UFSP2: variants seen among roughly 807,000 people sequenced by gnomAD.
UFSP2 encodes the protein ufm1-specific protease 2.
In UFSP2, 43 loss-of-function variants were observed where a neutral mutation model predicts 60.2. The ratio of observed to expected loss-of-function variants is 0.71; its 90% CI spans 0.56 to 0.92. The LOEUF (loss-of-function observed/expected upper bound fraction) is 0.92, where lower values mean the gene tolerates loss of function less well. UFSP2 is among the 40% of genes least tolerant of loss of function. UFSP2 has a pLI of 0.00. For missense variants in UFSP2, 520 were observed against 575.0 expected, an observed-to-expected ratio of 0.90 and a Z score of 0.98; for synonymous variants, 183 against 195.1, an observed-to-expected ratio of 0.94 and a Z score of 0.52.
In UFSP2 at chr4:185,399,598, G is replaced by A. The variant is rs761152223; in HGVS notation, c.*794C>T. 1.9e-6 allele frequency: 3 copies of A among 1,614,090 alleles called. No homozygotes were observed. Among genetic ancestry groups the A allele is most frequent in the African/African-American group, 2.7e-5 (2 of 74,934 alleles). On this transcript the variant is annotated 3_prime_UTR_variant, in exon 12 of 12. Coordinates refer to ENST00000264689, the MANE Select transcript of UFSP2 (RefSeq NM_018359.5). Reference sequence around the variant, plus strand: ...ATGTAATAAGAACGGGCAAACAGCTGAAGATCTCGCTTGGTCATGTGGATT... The same window carrying A: ...ATGTAATAAGAACGGGCAAACAGCTAAAGATCTCGCTTGGTCATGTGGATT...
At chr4:185,425,681 G>T (rs1201350998) in intron 1 of UFSP2, among the ~76,000 whole-genome samples, 185 bp downstream of exon 1, 1 of 152,052 alleles carries the variant, frequency 6.6e-6, no homozygotes, top group Non-Finnish European at 1.5e-5. Context: ...ACTTGTGTAG[G>T]GCACTTTCCC....
chr4:185,400,277 A>T lies in UFSP2; in HGVS notation c.*115T>A. On this transcript the variant is annotated 3_prime_UTR_variant, in exon 12 of 12. Transcript: ENST00000264689. ...GTGCAGTATTTACAACCTTTGAAAA[A>T]GGTCATAATTTAAATCGTCAAACTA... 2.2e-6 allele frequency: 2 copies of T among 892,578 alleles called. No individual in the cohort carries two copies. The highest frequency in any genetic ancestry group is 1.7e-6 in the Non-Finnish European group (1 of 585,356). The allele number at this position is 892,578 out of a possible 1,614,324, so 55.3% of individuals were successfully genotyped here.
At chr4:185,425,322 G>A (rs1383532070) in intron 1 of UFSP2, among the ~76,000 whole-genome samples, 2 of 152,036 alleles carry the variant, frequency 1.3e-5, no homozygotes, top group East Asian at 1.9e-4. Context: ...AAATACATAT[G>A]AGCTATCCAA....
At chr4:185,408,995 AT>A (rs2095524795) in intron 7 of UFSP2, among the ~76,000 whole-genome samples, 1 of 152,190 alleles carries the variant, frequency 6.6e-6, no homozygotes, top group Non-Finnish European at 1.5e-5. Context: ...CATTTAAAAA[AT>A]ATCTGCCTAC....
At chr4:185,422,449 ATTTTC>A (rs2095551120) in intron 2 of UFSP2, 31 bp downstream of exon 2, 2 of 1,494,828 alleles carry the variant, frequency 1.3e-6, no homozygotes, top group South Asian at 2.4e-5. Flanking sequence ...TTCACTATCA[ATTTTC>A]TAATAAAAAA....
At chr4:185,410,648 A>G (rs2095527586) in intron 7 of UFSP2, among the ~76,000 whole-genome samples, 3 of 150,668 alleles carry the variant, frequency 2.0e-5, no homozygotes, top group Admixed American at 1.3e-4. Flanking sequence ...ACTCCATCTC[A>G]AAAAAAAGAA....
chr4:185,413,924 T>G, intron 6 of UFSP2, 52 bp from the exon 7 acceptor site: 3 of 1,473,994 alleles, frequency 2.0e-6, no homozygotes, highest in Non-Finnish European at 2.7e-6. Context: ...TGATTTAGAT[T>G]CCTAGTCAAT....
intron 4 of UFSP2, among the ~76,000 whole-genome samples, chr4:185,417,965 A>G (rs2095541814): frequency 6.6e-6 from 1 of 151,242 alleles, no homozygotes; most frequent in Admixed American, 6.6e-5. Flanking sequence ...AATCACTTGA[A>G]CCCGGGAGGC....
chr4:185,423,490 C>CT (rs2095553134), intron 1 of UFSP2, among the ~76,000 whole-genome samples: 1 of 151,762 alleles, frequency 6.6e-6, no homozygotes, highest in South Asian at 2.1e-4. Context: ...CAGACTTAGT[C>CT]TAAGAAAAAT....
intron 7 of UFSP2, among the ~76,000 whole-genome samples, chr4:185,410,461 C>T (rs2095527273): frequency 6.6e-6 from 1 of 151,490 alleles, no homozygotes; most frequent in East Asian, 1.9e-4. Flanking sequence ...CCAGCCTGGC[C>T]AGCATGATGA....
At chr4:185,424,734 TAGAC>T (rs1221451228) in intron 1 of UFSP2, among the ~76,000 whole-genome samples, 2 of 152,346 alleles carry the variant, frequency 1.3e-5, no homozygotes, top group African/African-American at 2.4e-5. Context: ...AGATAAAAGT[TAGAC>T]AGGAAAGAAC....
At chr4:185,425,502 G>T (rs534319492) in intron 1 of UFSP2, among the ~76,000 whole-genome samples, 3 of 152,160 alleles carry the variant, frequency 2.0e-5, no homozygotes, top group African/African-American at 7.2e-5. Context: ...AGAAACCAGG[G>T]GAGGGAAATA....
chr4:185,411,047 A>T (rs1396857828), intron 7 of UFSP2, among the ~76,000 whole-genome samples: 1 of 151,754 alleles, frequency 6.6e-6, no homozygotes, highest in Non-Finnish European at 1.5e-5. Flanking sequence ...AGCAAAAAAA[A>T]AGAAAGTAAA....
chr4:185,409,970 A>G (rs1363851055), intron 7 of UFSP2, among the ~76,000 whole-genome samples: 2 of 152,234 alleles, frequency 1.3e-5, no homozygotes, highest in Admixed American at 6.5e-5. Flanking sequence ...TTGTGATGTC[A>G]GCCCAGTGAT....
At chr4:185,406,576 A>G (rs1172880749) in intron 9 of UFSP2, among the ~76,000 whole-genome samples, 7 of 151,988 alleles carry the variant, frequency 4.6e-5, no homozygotes, top group African/African-American at 1.7e-4. Flanking sequence ...TCATTGTTTT[A>G]TATTATTATT....
At chr4:185,424,002 T>C (rs913407912) in intron 1 of UFSP2, among the ~76,000 whole-genome samples, 9 of 152,226 alleles carry the variant, frequency 5.9e-5, no homozygotes, top group African/African-American at 2.2e-4. Flanking sequence ...TACTGAGCTC[T>C]TCAAATGTAA....
intron 1 of UFSP2, among the ~76,000 whole-genome samples, chr4:185,425,073 T>C (rs1279788578): frequency 1.3e-5 from 2 of 152,168 alleles, no homozygotes; most frequent in South Asian, 2.1e-4. Flanking sequence ...AGGCCAAGGA[T>C]GGTAAGAGTG....
chr4:185,410,307 A>G (rs1351962250), intron 7 of UFSP2, among the ~76,000 whole-genome samples: 1 of 152,220 alleles, frequency 6.6e-6, no homozygotes, highest in Non-Finnish European at 1.5e-5. Context: ...AACCTATAAG[A>G]TACACTAAAA....
chr4:185,408,464 T>C, intron 7 of UFSP2, 29 bp from the exon 8 acceptor site: 1 of 1,602,604 alleles, frequency 6.2e-7, no homozygotes, highest in Non-Finnish European at 8.5e-7. Flanking sequence ...CACAGTAAAA[T>C]ATTAACTTAG....
Sources: gnomAD v4.1 joint callset for allele counts (sites outside exome capture counted in the v4.1 genomes callset) on GRCh38, gnomAD v4.1.1 for gene constraint, MANE v1.5 for transcripts, NCBI Gene and HGNC (gene_info 2026-07-23, HGNC 2026-07-21) for gene names.